The following CFH variants were observed in gnomAD, a reference collection of about 807,000 sequenced individuals.
The protein encoded by CFH is H factor 1 (complement).
Under a neutral mutation model 147.3 loss-of-function variants are expected in CFH, and 53 were observed. The ratio of observed to expected loss-of-function variants is 0.36; its 90% confidence interval spans 0.29 to 0.45. CFH has a LOEUF of 0.45. Ranked by LOEUF, CFH falls within the 20% of genes least tolerant of loss-of-function variation. The pLI is 1.00. For missense variants in CFH, 1,380 were observed against 1,498.0 expected (o/e 0.92, Z 1.30); for synonymous variants, 536 against 489.4 (o/e 1.10, Z -1.26).
chr1:196,744,358 G>A (rs917327546), intron 20 of CFH, among the ~76,000 whole-genome samples: 9 of 151,994 alleles, frequency 5.9e-5, no homozygotes, highest in South Asian at 2.1e-4. Context: ...AATCTCTGTC[G>A]TTTATTTGTT....
chr1:196,655,994 G>T (rs1666672339), intron 1 of CFH, among the ~76,000 whole-genome samples: 1 of 152,132 alleles, frequency 6.6e-6, no homozygotes, highest in African/African-American at 2.4e-5. Context: ...AACTGGAAAT[G>T]TAATAGATAG....
At chr1:196,673,565 T>A (rs943399755) in intron 2 of CFH, among the ~76,000 whole-genome samples, 1 of 152,128 alleles carries the variant, frequency 6.6e-6, no homozygotes, top group Non-Finnish European at 1.5e-5. Flanking sequence ...CTCGAACTCC[T>A]GGCCTCGTGA....
rs566469147 is a variant in CFH, at chr1:196,746,823, G to T, written c.3494-288G>T. ...TCTTTGACCAATATCTTAATCAAAA[G>T]CAGCAATGATAAGTTCTAAAACGCA... On this transcript the variant is annotated intron_variant, in intron 21 of 21. Transcript: ENST00000367429. Among the ~76,000 whole-genome samples the T allele has an allele frequency of 6.6e-5, 10 of 152,128 alleles. No homozygotes were observed. In the South Asian group the frequency reaches 2.1e-3, roughly 32 times the overall value.
intron 16 of CFH, among the ~76,000 whole-genome samples, chr1:196,737,220 T>C (rs1391115534): frequency 6.6e-6 from 1 of 152,312 alleles, no homozygotes; most frequent in East Asian, 1.9e-4. Context: ...AAATGTCAGA[T>C]AACATTTCCA....
chr1:196,683,846 T>C (rs2149084560), intron 6 of CFH, among the ~76,000 whole-genome samples: 1 of 151,846 alleles, frequency 6.6e-6, no homozygotes, highest in African/African-American at 2.4e-5. Flanking sequence ...GAAGAGGCAA[T>C]TGTTTCAGGT....
chr1:196,735,503 A>C (rs1277651277), intron 15 of CFH, among the ~76,000 whole-genome samples: 1 of 152,130 alleles, frequency 6.6e-6, no homozygotes, highest in African/African-American at 2.4e-5. Flanking sequence ...TACTATCAGC[A>C]AATACTTTAA....
intron 9 of CFH, among the ~76,000 whole-genome samples, chr1:196,711,642 A>T (rs1256218291): frequency 6.6e-6 from 1 of 151,984 alleles, no homozygotes; most frequent in Non-Finnish European, 1.5e-5. Flanking sequence ...TAAAAAGCTT[A>T]AAAAACCCCA....
intron 7 of CFH, among the ~76,000 whole-genome samples, chr1:196,687,814 T>C (rs1667878900): frequency 6.6e-6 from 1 of 152,054 alleles, no homozygotes; most frequent in Admixed American, 6.6e-5. Flanking sequence ...AATGTTTTAA[T>C]TTCAACACTG....
chr1:196,677,824 C>T (rs1667510525), intron 5 of CFH, 157 bp downstream of exon 5: 2 of 675,984 alleles, frequency 3.0e-6, no homozygotes, highest in Admixed American at 5.1e-5. Context: ...TCTTTGCATG[C>T]ATCATTTCAT....
intron 20 of CFH, among the ~76,000 whole-genome samples, chr1:196,744,634 T>A (rs1329981234): frequency 1.3e-5 from 2 of 152,154 alleles, no homozygotes. Context: ...ACTCTCCACG[T>A]TGTAAGTATA....
At chr1:196,654,289 A>G (rs1296533324) in intron 1 of CFH, among the ~76,000 whole-genome samples, 1 of 152,160 alleles carries the variant, frequency 6.6e-6, no homozygotes, top group Non-Finnish European at 1.5e-5. Flanking sequence ...ATTACTAAGA[A>G]AGAATTATAG....
intron 9 of CFH, chr1:196,690,524 C>A: frequency 2.2e-6 from 1 of 451,468 alleles, no homozygotes; most frequent in Non-Finnish European, 4.1e-6. Context: ...ATTGAAGCGG[C>A]ATCATTGTCT....
chr1:196,654,423 C>A (rs558468100), intron 1 of CFH, among the ~76,000 whole-genome samples: 1 of 152,060 alleles, frequency 6.6e-6, no homozygotes, highest in African/African-American at 2.4e-5. Context: ...TGTGTAGGAA[C>A]GTTAATTGCC....
In CFH at chr1:196,737,501, C is replaced by G; in HGVS notation, c.2623C>G (p.Gln875Glu). The change falls in exon 17 of 22, where the codon CAG becomes GAG. Residue 875 changes from glutamine to glutamate, a missense_variant. Coordinates refer to ENST00000367429, the MANE Select transcript of CFH (RefSeq NM_000186.4). Reference sequence around the variant, plus strand: ...AAAAATTCCATGTTCACAACCACCTCAGATAGAACACGGAACCATTAATTC... The same window carrying G: ...AAAAATTCCATGTTCACAACCACCTGAGATAGAACACGGAACCATTAATTC... ...VEKIPCSQPP[Q>E]IEHGTINSSR... 6.2e-7 allele frequency: 1 copy of G among 1,612,992 alleles called. No individual in the cohort carries two copies. Among genetic ancestry groups the G allele is most frequent in the South Asian group, 1.1e-5 (1 of 91,016 alleles).
intron 11 of CFH, among the ~76,000 whole-genome samples, chr1:196,724,721 CTCCTTAGTCAGTCA>C (rs1669092440): frequency 6.6e-6 from 1 of 152,196 alleles, no homozygotes; most frequent in African/African-American, 2.4e-5. Flanking sequence ...TGTGTCCAAA[CTCCTTAGTCAGTCA>C]TCTTGTTTTC....
chr1:196,715,467 A>AT (rs1668847292), intron 10 of CFH, 126 bp from the exon 11 acceptor site: 3 of 722,764 alleles, frequency 4.2e-6, no homozygotes, highest in Non-Finnish European at 7.1e-6. Flanking sequence ...GTCATAGATT[A>AT]TTTTTGTACG....
chr1:196,717,938 G>A lies in CFH; in HGVS notation c.1696+2169G>A, dbSNP rs183621370. On this transcript the variant is annotated intron_variant, in intron 11 of 21. Coordinates refer to ENST00000367429, the MANE Select transcript of CFH (RefSeq NM_000186.4). The stretch of plus-strand genomic sequence containing the variant: ...GCAGTAACGTTGGAAAATGGTAGAA[G>A]CTGATGGATTCTGTTTTGAAGTATG... Among the ~76,000 whole-genome samples the A allele has an allele frequency of 7.6e-4, 116 of 152,234 alleles. 1 individual carries two copies. Among genetic ancestry groups the A allele is most frequent in the Non-Finnish European group, 9.4e-4 (64 of 68,002 alleles).
intron 19 of CFH, 139 bp downstream of exon 19, chr1:196,742,190 C>T: frequency 1.4e-6 from 1 of 730,054 alleles, no homozygotes; most frequent in Admixed American, 2.2e-5. Context: ...GCCTGGCCAA[C>T]ATGGTGAAAA....
intron 20 of CFH, among the ~76,000 whole-genome samples, chr1:196,745,209 G>A (rs1242198687): frequency 6.6e-6 from 1 of 151,874 alleles, no homozygotes; most frequent in African/African-American, 2.4e-5. Flanking sequence ...TATACCTTAT[G>A]GTCAAAATGG....
Sources: gnomAD v4.1 joint callset for allele counts (sites outside exome capture counted in the v4.1 genomes callset) on GRCh38, gnomAD v4.1.1 for gene constraint, MANE v1.5 for transcripts, NCBI Gene and HGNC (gene_info 2026-07-23, HGNC 2026-07-21) for gene names.